Variants in PBX1 observed in about 807,000 individuals in gnomAD.
PBX1 encodes the protein pre-B-cell leukemia transcription factor 1.
PBX1 carries 6 observed loss-of-function variants against 53.4 expected under a neutral mutation model. The observed-to-expected ratio is 0.11, with a 90% CI of 0.06 to 0.22. The LOEUF (loss-of-function observed/expected upper bound fraction) is 0.22, where lower values mean the gene tolerates loss of function less well. Ranked by LOEUF, PBX1 falls within the 10% of genes least tolerant of loss-of-function variation. The probability of loss-of-function intolerance (pLI) is 1.00; values close to 1 mark genes in which losing one functional copy is unlikely to be tolerated. For synonymous variants in PBX1, 204 were observed against 212.3 expected, an observed-to-expected ratio of 0.96 and a Z score of 0.34; for missense variants, 251 against 551.4, an observed-to-expected ratio of 0.46 and a Z score of 5.46.
intron 2 of PBX1, among the ~76,000 whole-genome samples, chr1:164,776,740 T>G (rs956060041): frequency 6.6e-6 from 1 of 152,208 alleles, no homozygotes; most frequent in African/African-American, 2.4e-5. Context: ...AAAAGATTTC[T>G]TTTCTGTGCA....
intron 2 of PBX1, among the ~76,000 whole-genome samples, chr1:164,787,196 G>A (rs1668242222): frequency 6.6e-6 from 1 of 152,166 alleles, no homozygotes. Context: ...AGATCAGCCA[G>A]AGAGAGCCTG....
chr1:164,846,745 C>A lies in PBX1; in HGVS notation c.*69C>A. On this transcript the variant is annotated 3_prime_UTR_variant, in exon 9 of 9. Coordinates refer to ENST00000420696, the MANE Select transcript of PBX1 (RefSeq NM_002585.4). ...GGCAGGGGCAGGAGGGAGGGTTTCT[C>A]TCCCAACGCTGAAGCGGTCAGACTG... is the stretch of plus-strand genomic sequence containing the variant. 1 of 1,612,556 alleles carries A rather than the reference C, an allele frequency of 6.2e-7. No individual in the cohort carries two copies. Among genetic ancestry groups the A allele is most frequent in the Non-Finnish European group, 8.5e-7 (1 of 1,179,500 alleles).
rs931214301 is a variant in PBX1, at chr1:164,847,714, A to G, written c.*1038A>G. The G allele has an allele frequency of 2.8e-6, 3 of 1,056,322 alleles. No homozygotes were observed. The highest frequency in any genetic ancestry group is 8.5e-4 in the Middle Eastern group (2 of 2,342). The allele number at this position is 1,056,322 out of a possible 1,614,324, so 65.4% of individuals were successfully genotyped here. On this transcript the variant is annotated 3_prime_UTR_variant, in exon 9 of 9. Coordinates refer to ENST00000420696, the MANE Select transcript of PBX1 (RefSeq NM_002585.4). ...AATTACCTACATTAATAACTGTAGC[A>G]CTATGCCTTTTGAGCCCGAGAGAGG...
downstream of PBX1, among the ~76,000 whole-genome samples, chr1:164,855,267 T>G (rs150937856): frequency 0.01 from 1,560 of 152,200 alleles, 16 homozygotes; most frequent in Middle Eastern, 0.037. Context: ...AAATTAAAAT[T>G]CAAAGGAATA....
At chr1:164,634,828 C>A (rs1425915220) in intron 2 of PBX1, among the ~76,000 whole-genome samples, 1 of 152,068 alleles carries the variant, frequency 6.6e-6, no homozygotes, top group Non-Finnish European at 1.5e-5. Context: ...TGGAAAGACC[C>A]CAAATTTTGA....
chr1:164,825,380 G>A (rs1465261128), intron 8 of PBX1, among the ~76,000 whole-genome samples: 5 of 151,998 alleles, frequency 3.3e-5, no homozygotes, highest in African/African-American at 1.2e-4. Flanking sequence ...TTTCACTTCT[G>A]CCCATGTGTA....
chr1:164,738,959 A>C (rs757146661), intron 2 of PBX1, among the ~76,000 whole-genome samples: 10 of 152,184 alleles, frequency 6.6e-5, no homozygotes, highest in Non-Finnish European at 1.2e-4. Context: ...TATGTAAATT[A>C]TATTGTAGAC....
At position 164,637,245 on chromosome 1, in the gene PBX1, A is replaced by G. The variant is rs1430020576; in HGVS notation, c.265+73934A>G. Among the ~76,000 whole-genome samples, 6 of 152,206 alleles carry G rather than the reference A, an allele frequency of 3.9e-5. No individual in the cohort carries two copies. In the East Asian group the frequency reaches 1.2e-3, roughly 29 times the overall value. ...AGAAAATGCATATGCCCTTGATAGT[A>G]TTGACAGACTGCTTTCCCTGATAGG... On this transcript the variant is annotated intron_variant, in intron 2 of 8. Coordinates refer to ENST00000420696, the MANE Select transcript of PBX1 (RefSeq NM_002585.4).
intron 2 of PBX1, among the ~76,000 whole-genome samples, chr1:164,569,187 GGA>G (rs1653655069): frequency 6.6e-6 from 1 of 152,286 alleles, no homozygotes; most frequent in Non-Finnish European, 1.5e-5. Context: ...TAGTGGTTAA[GGA>G]CCTGGTCTTT....
chr1:164,724,187 C>T (rs974178859), intron 2 of PBX1, among the ~76,000 whole-genome samples: 11 of 152,152 alleles, frequency 7.2e-5, no homozygotes, highest in African/African-American at 2.4e-4. Flanking sequence ...TCCTGCAGAA[C>T]GTGCCATCAG....
At chr1:164,575,075 C>T (rs953293044) in intron 2 of PBX1, among the ~76,000 whole-genome samples, 1 of 152,138 alleles carries the variant, frequency 6.6e-6, no homozygotes, top group African/African-American at 2.4e-5. Context: ...TGATGGAATG[C>T]ATATGTTGTT....
chr1:164,562,974 A>G (rs918225758), intron 1 of PBX1: 1 of 227,528 alleles, frequency 4.4e-6, no homozygotes, highest in Admixed American at 5.6e-5. Context: ...TTAAAAAAAA[A>G]AAAAAACCCT....
intron 2 of PBX1, among the ~76,000 whole-genome samples, chr1:164,751,336 G>A (rs905195109): frequency 3.0e-4 from 45 of 149,430 alleles, no homozygotes; most frequent in Middle Eastern, 6.9e-3. Flanking sequence ...AAAAAAAGAT[G>A]GTATTTGCTT....
intron 2 of PBX1, among the ~76,000 whole-genome samples, chr1:164,739,757 G>T (rs1446495957): frequency 1.5e-5 from 1 of 68,402 alleles, no homozygotes; most frequent in Non-Finnish European, 3.4e-5. Flanking sequence ...TTGTGCATGT[G>T]TGTGTGTGTG....
intron 2 of PBX1, among the ~76,000 whole-genome samples, chr1:164,875,956 G>C: frequency 7.4e-6 from 1 of 135,594 alleles, no homozygotes. Context: ...TGCCAAAAAA[G>C]AAATGTATAC....
chr1:164,726,149 CAG>C lies in PBX1; in HGVS notation c.266-66342_266-66341del, dbSNP rs1276507177. ...TAATTTGTAGCTATAGTGGAATGAT[CAG>C]AGTTTGTGCCCAGTGTTTACCTGTG... On this transcript the variant is annotated intron_variant, in intron 2 of 8. Coordinates refer to ENST00000420696, the MANE Select transcript of PBX1 (RefSeq NM_002585.4). 2.6e-5 allele frequency among the ~76,000 whole-genome samples: 4 copies of C among 152,306 alleles called. No individual in the cohort carries two copies. The East Asian group carries it at 7.7e-4, about 29-fold the overall frequency.
intron 2 of PBX1, among the ~76,000 whole-genome samples, chr1:164,678,213 A>T (rs931793032): frequency 4.6e-5 from 7 of 152,140 alleles, no homozygotes; most frequent in African/African-American, 1.7e-4. Flanking sequence ...GGTGGAACAG[A>T]TAGAGGAACA....
chr1:164,561,342 A>T (rs1352213319), intron 1 of PBX1, among the ~76,000 whole-genome samples: 1 of 152,254 alleles, frequency 6.6e-6, no homozygotes, highest in Non-Finnish European at 1.5e-5. Context: ...CTGCAAGCAC[A>T]TGCAACATGT....
At chr1:164,655,110 T>A (rs937145585) in intron 2 of PBX1, among the ~76,000 whole-genome samples, 22 of 150,076 alleles carry the variant, frequency 1.5e-4, no homozygotes, top group African/African-American at 4.2e-4. Context: ...GTTTTTTTTT[T>A]TTTTTTATTT....
Sources: gnomAD v4.1 joint callset for allele counts (sites outside exome capture counted in the v4.1 genomes callset) on GRCh38, gnomAD v4.1.1 for gene constraint, MANE v1.5 for transcripts, NCBI Gene and HGNC (gene_info 2026-07-23, HGNC 2026-07-21) for gene names.